Variants in UMAD1 observed in about 807,000 individuals in gnomAD.
UMAD1 encodes UBAP1-MVB12-associated (UMA)-domain containing protein 1.
In UMAD1, 8 loss-of-function variants were observed where a neutral mutation model predicts 6.1. That is an observed-to-expected ratio of 1.30 (90% CI 0.76 to 2.35). The LOEUF (loss-of-function observed/expected upper bound fraction) is 2.35. UMAD1 is among the 30% of genes most tolerant of loss of function. The probability of loss-of-function intolerance (pLI) is 0.00; values close to 1 mark genes in which losing one functional copy is unlikely to be tolerated. For missense variants in UMAD1, 130 were observed against 78.4 expected, an observed-to-expected ratio of 1.66 and a Z score of -2.49; for synonymous variants, 56 against 31.4, an observed-to-expected ratio of 1.78 and a Z score of -2.61.
intron 2 of UMAD1, among the ~76,000 whole-genome samples, chr7:7,768,952 C>A (rs920267283): frequency 6.6e-6 from 1 of 151,970 alleles, no homozygotes; most frequent in African/African-American, 2.4e-5. Context: ...ACCTATAGCT[C>A]TCTGTGGTAT....
intron 2 of UMAD1, chr7:7,772,226 A>G (rs577290233): frequency 6.6e-6 from 1 of 152,184 alleles, no homozygotes. Context: ...GTGTTTCTTG[A>G]CCTTAATTCC....
intron 2 of UMAD1, among the ~76,000 whole-genome samples, chr7:7,771,237 T>G (rs1295260702): frequency 1.3e-5 from 2 of 152,178 alleles, no homozygotes; most frequent in East Asian, 3.8e-4. Context: ...ATTGCATTAT[T>G]GACAGGGCTT....
chr7:7,815,272 A>C (rs1030087794), intron 3 of UMAD1, among the ~76,000 whole-genome samples: 1 of 152,182 alleles, frequency 6.6e-6, no homozygotes. Context: ...GAATTTGGTG[A>C]GTCAATATGT....
intron 2 of UMAD1, among the ~76,000 whole-genome samples, chr7:7,785,963 C>A (rs925615787): frequency 2.6e-5 from 4 of 152,156 alleles, no homozygotes; most frequent in South Asian, 2.1e-4. Context: ...CCTAACTACT[C>A]CTCTCATTTA....
At chr7:7,743,036 A>G (rs1484126387) in intron 2 of UMAD1, among the ~76,000 whole-genome samples, 1 of 152,196 alleles carries the variant, frequency 6.6e-6, no homozygotes, top group Non-Finnish European at 1.5e-5. Flanking sequence ...ATGTGTTTAC[A>G]TTCCTGTTGA....
chr7:7,644,576 C>G (rs28916284), intron 1 of UMAD1, among the ~76,000 whole-genome samples: 72 of 152,286 alleles, frequency 4.7e-4, no homozygotes, highest in African/African-American at 1.6e-3. Context: ...TCAGATAAGT[C>G]TCCAATCTCT....
rs529354692 is a variant in UMAD1, at chr7:7,686,472, A to G, written c.82+13019A>G. Reference sequence around the variant, plus strand: ...TTTTTTAAAAATGTAGATAATTTTTATAGTTTCAGCAAGATTGAGAATTAT... The same window carrying G: ...TTTTTTAAAAATGTAGATAATTTTTGTAGTTTCAGCAAGATTGAGAATTAT... On this transcript the variant is annotated intron_variant, in intron 2 of 3. Transcript: ENST00000682710. 4.6e-5 allele frequency among the ~76,000 whole-genome samples: 7 copies of G among 152,326 alleles called. No homozygotes were observed. The East Asian group carries it at 1.3e-3, about 29-fold the overall frequency.
chr7:7,660,539 T>G (rs550228940), intron 1 of UMAD1, among the ~76,000 whole-genome samples: 13 of 152,298 alleles, frequency 8.5e-5, no homozygotes, highest in African/African-American at 2.6e-4. Context: ...TGTAAAGGAT[T>G]TTATTTCTCA....
intron 3 of UMAD1, among the ~76,000 whole-genome samples, chr7:7,859,438 A>G (rs1383640178): frequency 6.6e-6 from 1 of 152,180 alleles, no homozygotes; most frequent in Admixed American, 6.5e-5. Context: ...AATTACGAGT[A>G]TCTTTTCAGT....
intron 3 of UMAD1, among the ~76,000 whole-genome samples, chr7:7,822,604 G>GT (rs1366348465): frequency 2.6e-5 from 4 of 152,136 alleles, no homozygotes; most frequent in Non-Finnish European, 5.9e-5. Flanking sequence ...GTAGCTCTCA[G>GT]TTTATATCTG....
At chr7:7,663,378 C>T (rs1785525210) in intron 1 of UMAD1, among the ~76,000 whole-genome samples, 1 of 151,854 alleles carries the variant, frequency 6.6e-6, no homozygotes, top group South Asian at 2.1e-4. Flanking sequence ...AATTAGTTTC[C>T]AAGCTGTTCT....
chr7:7,666,473 A>C (rs1029352895), intron 1 of UMAD1, among the ~76,000 whole-genome samples: 1 of 151,928 alleles, frequency 6.6e-6, no homozygotes, highest in African/African-American at 2.4e-5. Flanking sequence ...CTCCCAAAGT[A>C]CTGGAATTAC....
At chr7:7,770,916 A>T (rs1338825762) in intron 2 of UMAD1, among the ~76,000 whole-genome samples, 2 of 152,156 alleles carry the variant, frequency 1.3e-5, no homozygotes, top group East Asian at 3.9e-4. Flanking sequence ...TTCGTTATTT[A>T]GAAATGGCTT....
At chr7:7,672,774 G>A (rs1187227980) in intron 1 of UMAD1, among the ~76,000 whole-genome samples, 3 of 152,120 alleles carry the variant, frequency 2.0e-5, no homozygotes, top group Non-Finnish European at 2.9e-5. Context: ...TCACTCAGTC[G>A]AGGATATTTC....
chr7:7,829,970 C>G (rs140075959), intron 3 of UMAD1, among the ~76,000 whole-genome samples: 6 of 152,306 alleles, frequency 3.9e-5, no homozygotes, highest in Non-Finnish European at 7.4e-5. Context: ...AGGCCCTTAT[C>G]TTCCCTCATT....
chr7:7,652,627 G>A (rs1317221864), intron 1 of UMAD1, among the ~76,000 whole-genome samples: 1 of 152,194 alleles, frequency 6.6e-6, no homozygotes, highest in African/African-American at 2.4e-5. Context: ...GAAGTAGATT[G>A]GTTAATTCCG....
chr7:7,759,481 G>C (rs1042397017), intron 2 of UMAD1, among the ~76,000 whole-genome samples: 1 of 152,166 alleles, frequency 6.6e-6, no homozygotes, highest in African/African-American at 2.4e-5. Context: ...ACTTGACTGA[G>C]AATTTACAAG....
At chr7:7,682,823 G>C (rs1344406578) in intron 2 of UMAD1, among the ~76,000 whole-genome samples, 1 of 152,200 alleles carries the variant, frequency 6.6e-6, no homozygotes, top group Non-Finnish European at 1.5e-5. Flanking sequence ...AAATTGCAAA[G>C]CAAGTATGCC....
At chr7:7,791,936 C>T (rs1348435887) in intron 2 of UMAD1, among the ~76,000 whole-genome samples, 1 of 152,206 alleles carries the variant, frequency 6.6e-6, no homozygotes, top group African/African-American at 2.4e-5. Context: ...ACGTAGACTA[C>T]CTGTTCTGGT....
Sources: gnomAD v4.1 joint callset for allele counts (sites outside exome capture counted in the v4.1 genomes callset) on GRCh38, gnomAD v4.1.1 for gene constraint, MANE v1.5 for transcripts, NCBI Gene and HGNC (gene_info 2026-07-23, HGNC 2026-07-21) for gene names.